ZNF197: variants seen among roughly 807,000 people sequenced by gnomAD.
ZNF197 encodes zinc finger protein 197.
A neutral mutation model predicts 27.4 loss-of-function variants in ZNF197; 14 were observed. That is an observed-to-expected ratio of 0.51 (90% confidence interval 0.34 to 0.80). The LOEUF is 0.80. Ranked by LOEUF, ZNF197 falls within the 30% of genes least tolerant of loss-of-function variation. ZNF197 has a pLI of 0.02. For missense variants in ZNF197, 1,090 were observed against 1,222.6 expected, an observed-to-expected ratio of 0.89 and a Z score of 1.62; for synonymous variants, 415 against 420.0, an observed-to-expected ratio of 0.99 and a Z score of 0.15.
At chr3:44,637,376 C>T (rs1327066762) in intron 5 of ZNF197, among the ~76,000 whole-genome samples, 1 of 152,192 alleles carries the variant, frequency 6.6e-6, no homozygotes, top group African/African-American at 2.4e-5. Flanking sequence ...GATCTTCCTG[C>T]CTCAGCCTCC....
In ZNF197 at chr3:44,641,917, G is replaced by C. The variant is rs377754678; in HGVS notation, c.787G>C (p.Glu263Gln). 3 of 1,594,444 alleles carry C rather than the reference G, an allele frequency of 1.9e-6. No individual in the cohort carries two copies. The highest frequency in any genetic ancestry group is 2.2e-5 in the East Asian group (1 of 44,560). The change falls in exon 6 of 6, where the codon GAG becomes CAG. Residue 263 changes from glutamate (E) to glutamine (Q), a missense_variant. By Grantham distance (29) the Glu-to-Gln change is conservative. Coordinates refer to ENST00000344387, the MANE Select transcript of ZNF197 (RefSeq NM_006991.5). Reference protein sequence around the residue: ...VTSLEWETMTENEEVTSKPSS... With the variant: ...VTSLEWETMTQNEEVTSKPSS... The stretch of plus-strand genomic sequence containing the variant: ...TTTACCAGAATGGGAGACCATGACC[G>C]AGAATGAGGAGGTGACATCAAAGCC...
At chr3:44,625,608 T>C (rs1701602372) in intron 1 of ZNF197, among the ~76,000 whole-genome samples, 1 of 152,236 alleles carries the variant, frequency 6.6e-6, no homozygotes, top group South Asian at 2.1e-4. Context: ...TTTAGTTTTG[T>C]AATATAATGG....
intron 5 of ZNF197, among the ~76,000 whole-genome samples, chr3:44,634,827 T>C (rs1466993416): frequency 1.3e-5 from 2 of 152,178 alleles, no homozygotes; most frequent in Admixed American, 6.5e-5. Context: ...TCTTGATACA[T>C]AGAATGACAT....
At chr3:44,631,761 C>T (rs1340550091) in intron 3 of ZNF197, among the ~76,000 whole-genome samples, 3 of 150,302 alleles carry the variant, frequency 2.0e-5, no homozygotes, top group Non-Finnish European at 4.4e-5. Context: ...AGTGCAATGG[C>T]ACAATCTCGG....
At position 44,646,136 on chromosome 3, in the gene ZNF197, T is replaced by A. The variant is rs1487863512; in HGVS notation, c.*1916T>A. The A allele has an allele frequency of 1.0e-6, 1 of 985,032 alleles. No homozygotes were observed. Among genetic ancestry groups the A allele is most frequent in the Non-Finnish European group, 1.2e-6 (1 of 829,670 alleles). The allele number at this position is 985,032 out of a possible 1,614,324, so 61.0% of individuals were successfully genotyped here. On this transcript the variant is annotated 3_prime_UTR_variant, in exon 6 of 6. Coordinates refer to ENST00000344387, the MANE Select transcript of ZNF197 (RefSeq NM_006991.5). Reference sequence around the variant, plus strand: ...GCCTAAGGCTTAAAGTCTTAAGACCTGGATGTGGTTCAGGTTTTGCCATCT... The same window carrying A: ...GCCTAAGGCTTAAAGTCTTAAGACCAGGATGTGGTTCAGGTTTTGCCATCT...
At chr3:44,632,973 T>A (rs1702095028) in intron 5 of ZNF197, among the ~76,000 whole-genome samples, 1 of 152,204 alleles carries the variant, frequency 6.6e-6, no homozygotes, top group Non-Finnish European at 1.5e-5. Flanking sequence ...ATAACTGCTA[T>A]AATAATCATC....
chr3:44,629,421 G>A lies in ZNF197; in HGVS notation c.267G>A (p.Gln89=). Residue 89 remains glutamine, a synonymous_variant, in exon 2 of 6, where the codon CAG becomes CAA. Coordinates refer to ENST00000344387, the MANE Select transcript of ZNF197 (RefSeq NM_006991.5). The part of the protein sequence containing the change: ...AQILELLVLE[Q]FLSILPGEIR... ...TCCTGGAGCTGCTGGTGCTGGAGCA[G>A]TTTCTGAGCATCCTGCCTGGGGAGA... is the stretch of plus-strand genomic sequence containing the variant. 6.2e-7 allele frequency: 1 copy of A among 1,614,200 alleles called. No homozygotes were observed. Among genetic ancestry groups the A allele is most frequent in the Non-Finnish European group, 8.5e-7 (1 of 1,180,038 alleles).
Position 44,646,435 on chromosome 3 carries a change from TAAG to T in ZNF197, c.*2216_*2218del, listed in dbSNP as rs1445471644. Reference sequence around the variant, plus strand: ...TAATGTGCCACCTTCTGTGATGTAATAAGCTGAAAAATGTTCAACCTGAATTTA... The same window carrying T: ...TAATGTGCCACCTTCTGTGATGTAATCTGAAAAATGTTCAACCTGAATTTA... On this transcript the variant is annotated 3_prime_UTR_variant, in exon 6 of 6. Coordinates refer to ENST00000344387, the MANE Select transcript of ZNF197 (RefSeq NM_006991.5). 8.7e-6 allele frequency: 14 copies of T among 1,612,330 alleles called. No homozygotes were observed. Among genetic ancestry groups the T allele is most frequent in the Non-Finnish European group, 1.7e-6 (2 of 1,179,330 alleles).
chr3:44,627,330 C>T (rs1459550101), intron 1 of ZNF197, among the ~76,000 whole-genome samples: 3 of 152,186 alleles, frequency 2.0e-5, no homozygotes, highest in Non-Finnish European at 4.4e-5. Flanking sequence ...AATACTGCCT[C>T]TCAAGAGCAG....
At chr3:44,637,965 T>C (rs1377376901) in intron 5 of ZNF197, among the ~76,000 whole-genome samples, 4 of 152,220 alleles carry the variant, frequency 2.6e-5, no homozygotes, top group Non-Finnish European at 5.9e-5. Context: ...CATCTAATTT[T>C]GGTATCAGCT....
In ZNF197 at chr3:44,645,860, C is replaced by A. The variant is rs1702926760; in HGVS notation, c.*1640C>A. 1.0e-6 allele frequency: 1 copy of A among 985,336 alleles called. No individual in the cohort carries two copies. Among genetic ancestry groups the A allele is most frequent in the East Asian group, 1.1e-4 (1 of 8,826 alleles). 61.0% of individuals were successfully genotyped at this position (985,336 alleles called of 1,614,324 possible). A position where few individuals can be genotyped will look rare whatever the true frequency, so the allele number is the denominator to read the frequency against. ...TGCCCATTACCCCCTGTGAACCATTCTGTGCCCTTGAGTACATTTGTGGGT... is the reference window on the plus strand; with the variant it reads ...TGCCCATTACCCCCTGTGAACCATTATGTGCCCTTGAGTACATTTGTGGGT... On this transcript the variant is annotated 3_prime_UTR_variant, in exon 6 of 6. Transcript: ENST00000344387.
intron 5 of ZNF197, among the ~76,000 whole-genome samples, chr3:44,632,992 T>C (rs1216685384): frequency 3.9e-5 from 6 of 152,230 alleles, no homozygotes; most frequent in Non-Finnish European, 8.8e-5. Context: ...TCTGTCTCTG[T>C]GCCTAAGGCC....
At position 44,643,190 on chromosome 3, in the gene ZNF197, T is replaced by C; in HGVS notation, c.2060T>C (p.Phe687Ser). 2.5e-6 allele frequency: 4 copies of C among 1,613,516 alleles called. No homozygotes were observed. Among genetic ancestry groups the C allele is most frequent in the Non-Finnish European group, 3.4e-6 (4 of 1,179,896 alleles). Residue 687 changes from phenylalanine to serine, a missense_variant, in exon 6 of 6, where the codon TTC becomes TCC. Phe to Ser is a radical substitution (Grantham distance 155). Transcript: ENST00000344387. ...LYECKDCGKV[F>S]GSNRNLIDHE... is the part of the protein sequence containing the mutation. ...GAATGTAAAGATTGTGGTAAGGTCTTCGGTTCAAACAGAAACCTCATTGAC... is the reference window on the plus strand; with the variant it reads ...GAATGTAAAGATTGTGGTAAGGTCTCCGGTTCAAACAGAAACCTCATTGAC...
chr3:44,644,283 T>C lies in ZNF197; in HGVS notation c.*63T>C, dbSNP rs1186127934. Reference sequence around the variant, plus strand: ...AAGTAACTGTTGGACAAATGATATATATTTCTTCTAAGGAAAAAGTTTATT... The same window carrying C: ...AAGTAACTGTTGGACAAATGATATACATTTCTTCTAAGGAAAAAGTTTATT... On this transcript the variant is annotated 3_prime_UTR_variant, in exon 6 of 6. Coordinates refer to ENST00000344387, the MANE Select transcript of ZNF197 (RefSeq NM_006991.5). 2 of 1,516,532 alleles carry C rather than the reference T, an allele frequency of 1.3e-6. No individual in the cohort carries two copies. Among genetic ancestry groups the C allele is most frequent in the East Asian group, 4.6e-5 (2 of 43,784 alleles). The allele number at this position is 1,516,532 out of a possible 1,614,324, so 93.9% of individuals were successfully genotyped here.
rs1702973243 is a variant in ZNF197 at position 44,646,610 on chromosome 3, T to C, written c.*2390T>C. The C allele has an allele frequency of 3.7e-6, 3 of 812,618 alleles. No individual in the cohort carries two copies. The highest frequency in any genetic ancestry group is 6.4e-6 in the Non-Finnish European group (3 of 469,090). 50.3% of individuals were successfully genotyped at this position (812,618 alleles called of 1,614,324 possible). On this transcript the variant is annotated 3_prime_UTR_variant, in exon 6 of 6. Transcript: ENST00000344387. ...TGGATTCTTCAAAATATTATTATGA[T>C]GAAAAAGAGAGGGGAGTGAAAATTG...
chr3:44,642,172 G>A lies in ZNF197; in HGVS notation c.1042G>A (p.Gly348Arg). Residue 348 changes from glycine to arginine, a missense_variant, in exon 6 of 6, where the codon GGA becomes AGA. Coordinates refer to ENST00000344387, the MANE Select transcript of ZNF197 (RefSeq NM_006991.5). ...EKQGQKWKEL[G>R]DSLTFGSAIS... ...ACAAGGCCAAAAGTGGAAGGAATTA[G>A]GAGACAGCTTGACTTTCGGTTCAGC... The A allele has an allele frequency of 6.2e-7, 1 of 1,614,166 alleles. No individual in the cohort carries two copies. The highest frequency in any genetic ancestry group is 1.1e-5 in the South Asian group (1 of 91,082).
chr3:44,636,100 C>G (rs185710587), intron 5 of ZNF197, among the ~76,000 whole-genome samples: 3 of 152,204 alleles, frequency 2.0e-5, no homozygotes, highest in East Asian at 3.9e-4. Flanking sequence ...GTCAGGAGAT[C>G]AAGACCATCC....
chr3:44,643,520 A>G lies in ZNF197; in HGVS notation c.2390A>G (p.Lys797Arg). ...CCCTATGAGTGTGATGAGTGTGGCA[A>G]ATGCTTCATTCTGAAGAAAAGCCTC... ...EKPYECDECG[K>R]CFILKKSLIG... Residue 797 changes from lysine (K) to arginine (R), a missense_variant, in exon 6 of 6, where the codon AAA becomes AGA. Physicochemically the swap from Lys to Arg is conservative, Grantham distance 26 (BLOSUM62 2). Transcript: ENST00000344387. 6.2e-7 allele frequency: 1 copy of G among 1,614,182 alleles called. No individual in the cohort carries two copies. Among genetic ancestry groups the G allele is most frequent in the South Asian group, 1.1e-5 (1 of 91,082 alleles).
At position 44,644,303 on chromosome 3, in the gene ZNF197, T is replaced by C. The variant is rs1026684341; in HGVS notation, c.*83T>C. ...ATATATATTTCTTCTAAGGAAAAAG[T>C]TTATTATTTACTCTTTACTAGACAA... On this transcript the variant is annotated 3_prime_UTR_variant, in exon 6 of 6. Transcript: ENST00000344387. 1 of 1,489,564 alleles carries C rather than the reference T, an allele frequency of 6.7e-7. No individual in the cohort carries two copies. Among genetic ancestry groups the C allele is most frequent in the South Asian group, 1.4e-5 (1 of 69,654 alleles). The allele number at this position is 1,489,564 out of a possible 1,614,324, so 92.3% of individuals were successfully genotyped here. A position where few individuals can be genotyped will look rare whatever the true frequency, so the allele number is the denominator to read the frequency against.
Sources: allele counts gnomAD v4.1 joint callset (sites outside exome capture counted in the v4.1 genomes callset), GRCh38; gene constraint gnomAD v4.1.1; transcripts MANE v1.5; gene names NCBI Gene and HGNC (gene_info 2026-07-23, HGNC 2026-07-21).